TRDN: variants seen among roughly 807,000 people sequenced by gnomAD.
TRDN encodes the protein triadin in skeletal muscle.
In TRDN, 161 loss-of-function variants were observed where a neutral mutation model predicts 149.7. The ratio of observed to expected loss-of-function variants is 1.08; its 90% CI spans 0.95 to 1.23. The LOEUF is 1.23. Ranked by LOEUF, TRDN falls within the 50% of genes most tolerant of loss-of-function variation. The pLI is 0.00. For missense variants in TRDN, 896 were observed against 823.5 expected, an observed-to-expected ratio of 1.09 and a Z score of -1.08; for synonymous variants, 294 against 250.5, an observed-to-expected ratio of 1.17 and a Z score of -1.64.
chr6:123,366,206 A>G (rs368760130), intron 19 of TRDN, 24 bp from the exon 20 acceptor site: 2 of 1,609,634 alleles, frequency 1.2e-6, no homozygotes, highest in Non-Finnish European at 1.7e-6. Context: ...TATTAAAGGA[A>G]TGAGAAGTGG....
chr6:123,228,661 G>T (rs1036315414), intron 38 of TRDN, among the ~76,000 whole-genome samples: 1 of 151,890 alleles, frequency 6.6e-6, no homozygotes, highest in African/African-American at 2.4e-5. Context: ...TATAGTTCAA[G>T]ATGAGATTTG....
chr6:123,562,413 C>A (rs1348085292), intron 2 of TRDN, among the ~76,000 whole-genome samples: 1 of 152,156 alleles, frequency 6.6e-6, no homozygotes, highest in African/African-American at 2.4e-5. Flanking sequence ...GGGCAGAGCC[C>A]TCACAAACAG....
At chr6:123,310,073 C>T (rs936577237) in intron 24 of TRDN, among the ~76,000 whole-genome samples, 15 of 152,026 alleles carry the variant, frequency 9.9e-5, no homozygotes, top group African/African-American at 3.4e-4. Context: ...TGGGTAGCTG[C>T]TTAAAATGCT....
intron 10 of TRDN, among the ~76,000 whole-genome samples, chr6:123,460,318 T>G (rs1256802668): frequency 6.6e-6 from 1 of 152,176 alleles, no homozygotes; most frequent in Non-Finnish European, 1.5e-5. Flanking sequence ...TACCATAAAA[T>G]TAATGGTTTT....
intron 9 of TRDN, among the ~76,000 whole-genome samples, chr6:123,475,903 G>A (rs530828949): frequency 4.0e-5 from 6 of 151,548 alleles, no homozygotes; most frequent in Non-Finnish European, 4.4e-5. Flanking sequence ...TTGATGGGCC[G>A]TATTTCAAAA....
chr6:123,427,272 C>A (rs117622756), intron 12 of TRDN, among the ~76,000 whole-genome samples: 1 of 150,358 alleles, frequency 6.7e-6, no homozygotes. Flanking sequence ...CTCTTGACCA[C>A]GCCTTTTGTT....
At chr6:123,500,471 T>C (rs958341804) in intron 8 of TRDN, among the ~76,000 whole-genome samples, 9 of 152,316 alleles carry the variant, frequency 5.9e-5, no homozygotes, top group African/African-American at 2.2e-4. Flanking sequence ...AAATGTTTCT[T>C]TAAACCCAAC....
chr6:123,267,832 C>A (rs111916079), intron 31 of TRDN, 81 bp from the exon 32 acceptor site: 1 of 1,114,152 alleles, frequency 9.0e-7, no homozygotes, highest in Non-Finnish European at 1.3e-6. Flanking sequence ...GCAAGTGATC[C>A]TCAGTTTACC....
chr6:123,224,974 A>G (rs1423372330), intron 38 of TRDN, among the ~76,000 whole-genome samples: 1 of 151,768 alleles, frequency 6.6e-6, no homozygotes, highest in Non-Finnish European at 1.5e-5. Flanking sequence ...AAATTATGAA[A>G]TGGGAGAAAA....
At chr6:123,631,969 C>T (rs1786028544) in intron 1 of TRDN, among the ~76,000 whole-genome samples, 1 of 152,010 alleles carries the variant, frequency 6.6e-6, no homozygotes. Context: ...ATACGGTTAT[C>T]CCACTAAAAA....
At chr6:123,442,058 A>G (rs991424247) in intron 10 of TRDN, 1 of 152,192 alleles carries the variant, frequency 6.6e-6, no homozygotes, top group Non-Finnish European at 1.5e-5. Flanking sequence ...AATTTTACAT[A>G]AGCTGAAGAT....
At chr6:123,474,846 A>T (rs1777379943) in intron 9 of TRDN, among the ~76,000 whole-genome samples, 1 of 152,190 alleles carries the variant, frequency 6.6e-6, no homozygotes, top group Non-Finnish European at 1.5e-5. Context: ...AACGAAATGA[A>T]GGCAGTAATA....
At chr6:123,333,847 T>C (rs1779758687) in intron 22 of TRDN, among the ~76,000 whole-genome samples, 1 of 152,058 alleles carries the variant, frequency 6.6e-6, no homozygotes, top group Non-Finnish European at 1.5e-5. Context: ...AGTTTCTTTG[T>C]GTTTGTCCAA....
intron 10 of TRDN, among the ~76,000 whole-genome samples, chr6:123,442,562 G>GGA (rs569419202): frequency 8.3e-6 from 1 of 120,476 alleles, no homozygotes; most frequent in Non-Finnish European, 1.6e-5. Flanking sequence ...AAAAAAAAAA[G>GGA]AAAAAAAAAA....
intron 12 of TRDN, among the ~76,000 whole-genome samples, chr6:123,404,994 G>A (rs1773136913): frequency 6.6e-6 from 1 of 152,182 alleles, no homozygotes; most frequent in African/African-American, 2.4e-5. Flanking sequence ...TGGCAGCCTA[G>A]TGGTTCTCAT....
At chr6:123,343,778 G>C (rs1279173806) in intron 21 of TRDN, among the ~76,000 whole-genome samples, 1 of 151,900 alleles carries the variant, frequency 6.6e-6, no homozygotes. Flanking sequence ...TTTTAGAGTA[G>C]ATTTATGATT....
In TRDN at chr6:123,278,909, G is replaced by A. The variant is rs925541553; in HGVS notation, c.1537+147C>T. The A allele has an allele frequency of 5.1e-6, 3 of 592,056 alleles. No homozygotes were observed. In the African/African-American group the frequency reaches 5.8e-5, roughly 12 times the overall value. 36.7% of individuals were successfully genotyped at this position (592,056 alleles called of 1,614,324 possible). On this transcript the variant is annotated intron_variant, in intron 25 of 40. Coordinates refer to ENST00000334268, the MANE Select transcript of TRDN (RefSeq NM_006073.4). ...CTCAGAAATACATGTAAGAAAATGA[G>A]TACATTGTCTACACAAAACAAGCCT...
chr6:123,395,986 C>T (rs1772709641), intron 12 of TRDN, among the ~76,000 whole-genome samples: 1 of 152,156 alleles, frequency 6.6e-6, no homozygotes, highest in Admixed American at 6.5e-5. Context: ...CAGCTTGCAT[C>T]CAACCAACAA....
intron 34 of TRDN, among the ~76,000 whole-genome samples, 166 bp from the exon 35 acceptor site, chr6:123,259,828 C>T (rs1171888961): frequency 6.6e-6 from 1 of 151,804 alleles, no homozygotes; most frequent in South Asian, 2.1e-4. Context: ...TATGTAGTCA[C>T]CTATAGGGTC....
Sources: gnomAD v4.1 joint callset for allele counts (sites outside exome capture counted in the v4.1 genomes callset) on GRCh38, gnomAD v4.1.1 for gene constraint, MANE v1.5 for transcripts, NCBI Gene and HGNC (gene_info 2026-07-23, HGNC 2026-07-21) for gene names.